The following SZT2 variants were observed in gnomAD, a reference collection of about 807,000 sequenced individuals.
The protein encoded by SZT2 is KICSTOR complex protein SZT2.
A neutral mutation model predicts 404.2 loss-of-function variants in SZT2; 216 were observed. The observed-to-expected ratio is 0.53, with a 90% CI of 0.48 to 0.60. The LOEUF (loss-of-function observed/expected upper bound fraction) is 0.60, where lower values mean the gene tolerates loss of function less well. SZT2 is among the 20% of genes least tolerant of loss of function. SZT2 has a pLI of 0.00. For synonymous variants in SZT2, 1,693 were observed against 1,749.9 expected (o/e 0.97, Z 0.81); for missense variants, 3,857 against 4,459.2 (o/e 0.86, Z 3.85).
Position 43,430,392 on chromosome 1 carries a change from A to G in SZT2, c.4480+3A>G, listed in dbSNP as rs1270130880. On this transcript the variant is annotated splice_donor_region_variant and intron_variant, in intron 31 of 71. Coordinates refer to ENST00000634258, the MANE Select transcript of SZT2 (RefSeq NM_001365999.1). ...GGCTGAGCTTATGGGAGAAGAAGGT[A>G]TGTGGGCAAGTGAGTCAAGGTGGGG... is the stretch of plus-strand genomic sequence containing the variant. 4.4e-6 allele frequency: 7 copies of G among 1,607,984 alleles called. No homozygotes were observed. Among genetic ancestry groups the G allele is most frequent in the Non-Finnish European group, 5.1e-6 (6 of 1,177,170 alleles).
intron 62 of SZT2, among the ~76,000 whole-genome samples, 183 bp downstream of exon 62, chr1:43,443,979 T>G (rs756223168): frequency 6.6e-6 from 1 of 152,236 alleles, no homozygotes; most frequent in Non-Finnish European, 1.5e-5. Context: ...CTCATGCGTG[T>G]CCTGCAGACC....
At chr1:43,434,945 T>G (rs931072595) in intron 41 of SZT2, among the ~76,000 whole-genome samples, 22 of 152,174 alleles carry the variant, frequency 1.4e-4, no homozygotes, top group Non-Finnish European at 7.4e-5. Flanking sequence ...AGGGAAAGCT[T>G]CTTAGAGGAA....
chr1:43,416,217 G>C, intron 6 of SZT2, 116 bp downstream of exon 6: 1 of 1,343,728 alleles, frequency 7.4e-7, no homozygotes, highest in Non-Finnish European at 9.9e-7. Flanking sequence ...AAGAGGATCT[G>C]TTTCCTTGTT....
Position 43,451,321 on chromosome 1 carries a change from G to A in SZT2, c.*841G>A, listed in dbSNP as rs1656377183. ...CCCTCTACTGTGTCTCCTGCAGGGA[G>A]AGGGAGGCCTCGGCACCTCAGCCCA... On this transcript the variant is annotated 3_prime_UTR_variant, in exon 72 of 72. Transcript: ENST00000634258. 1 of 1,613,650 alleles carries A rather than the reference G, an allele frequency of 6.2e-7. No individual in the cohort carries two copies. Among genetic ancestry groups the A allele is most frequent in the South Asian group, 1.1e-5 (1 of 91,086 alleles).
rs1227318981 is a variant in SZT2 at position 43,453,482 on chromosome 1, C to T, written c.*3002C>T. On this transcript the variant is annotated 3_prime_UTR_variant, in exon 72 of 72. Transcript: ENST00000634258. ...GGGGACGGCCCCCAGCCCCATTTCCCCCTTCTCTTGGTCTCCTGCAGAGAG... is the reference window on the plus strand; with the variant it reads ...GGGGACGGCCCCCAGCCCCATTTCCTCCTTCTCTTGGTCTCCTGCAGAGAG... 4 of 1,558,644 alleles carry T rather than the reference C, an allele frequency of 2.6e-6. No individual in the cohort carries two copies. In the African/African-American group the frequency reaches 4.1e-5, roughly 16 times the overall value.
chr1:43,418,176 G>C (rs1335094285), intron 7 of SZT2, among the ~76,000 whole-genome samples: 1 of 152,124 alleles, frequency 6.6e-6, no homozygotes, highest in Non-Finnish European at 1.5e-5. Context: ...AAAGAAATTT[G>C]GCTGTTGAGA....
At position 43,452,337 on chromosome 1, in the gene SZT2, T is replaced by G; in HGVS notation, c.*1857T>G. On this transcript the variant is annotated 3_prime_UTR_variant, in exon 72 of 72. Transcript: ENST00000634258. ...GGTGGATCCTGTGGGGAAGATGGAC[T>G]GGAGGCCTTGCCTCCCTTGGCTCTC... 1 of 1,594,028 alleles carries G rather than the reference T, an allele frequency of 6.3e-7. No individual in the cohort carries two copies.
rs749626170 is a variant in SZT2, at chr1:43,442,421, A to T, written c.7975-21A>T. On this transcript the variant is annotated intron_variant, in intron 57 of 71. Transcript: ENST00000634258. The surrounding 1 kb of genome is among the most constrained non-coding windows in gnomAD (Gnocchi z 4.5). ...GAAGAGGGGTTCCGTGATCTCACTG[A>T]CCCTGACCCCCGACCTCCAGCTACA... 9.9e-6 allele frequency: 16 copies of T among 1,612,178 alleles called. No individual in the cohort carries two copies. In the Admixed American group the frequency reaches 2.7e-4, roughly 27 times the overall value.
Position 43,403,789 on chromosome 1 carries a change from G to GGAGA in SZT2, c.327+16_327+19dup, listed in dbSNP as rs766922099. 1.2e-6 allele frequency: 2 copies of GGAGA among 1,609,834 alleles called. No homozygotes were observed. The highest frequency in any genetic ancestry group is 8.5e-7 in the Non-Finnish European group (1 of 1,176,360). ...CTGGCATTGTGGTAAAGGATTGAAG[G>GGAGA]GAGACTGTGGGAAGAAAGGATGGGG... On this transcript the variant is annotated intron_variant, in intron 3 of 71. Transcript: ENST00000634258.
intron 52 of SZT2, among the ~76,000 whole-genome samples, chr1:43,440,848 C>A (rs1033071822): frequency 2.6e-5 from 4 of 152,214 alleles, no homozygotes; most frequent in African/African-American, 9.6e-5. Flanking sequence ...CCAGCCTGGG[C>A]AACACACAAA....
At chr1:43,430,910 T>C in intron 32 of SZT2, 39 bp from the exon 33 acceptor site, 1 of 1,599,610 alleles carries the variant, frequency 6.3e-7, no homozygotes, top group Non-Finnish European at 8.5e-7. Flanking sequence ...GTGCTTGTCT[T>C]AGAGCCCTCA....
intron 1 of SZT2, among the ~76,000 whole-genome samples, chr1:43,401,244 C>G (rs145082050): frequency 6.6e-6 from 1 of 152,302 alleles, no homozygotes; most frequent in Non-Finnish European, 1.5e-5. Context: ...AACTTTTACT[C>G]TTACCAGGCA....
chr1:43,440,103 A>T, intron 51 of SZT2, 55 bp downstream of exon 51: 1 of 1,604,710 alleles, frequency 6.2e-7, no homozygotes, highest in Non-Finnish European at 8.5e-7. Context: ...TCCAAGCAGG[A>T]CAGTGTGGCA....
At position 43,422,871 on chromosome 1, in the gene SZT2, G is replaced by A. The variant is rs561698107; in HGVS notation, c.2025G>A (p.Pro675=). ...GTTTTCCCATTGGCACACCAGCACC[G>A]GCCCGGCACAAGGTAAGCTGGGCCC... The part of the protein sequence containing the change: ...RLGFPIGTPA[P]ARHKIVSGLR... Residue 675 remains proline, a synonymous_variant, in exon 14 of 72, where the codon CCG becomes CCA. Transcript: ENST00000634258. 4.5e-4 allele frequency: 721 copies of A among 1,585,562 alleles called. No homozygotes were observed. Among genetic ancestry groups the A allele is most frequent in the Non-Finnish European group, 5.5e-4 (651 of 1,173,890 alleles).
At position 43,443,446 on chromosome 1, in the gene SZT2, C is replaced by T. The variant is rs374031590; in HGVS notation, c.8594C>T (p.Pro2865Leu). The T allele has an allele frequency of 1.3e-4, 207 of 1,614,084 alleles. 1 individual carries two copies. The highest frequency in any genetic ancestry group is 1.6e-4 in the Non-Finnish European group (194 of 1,180,036). Reference protein sequence around the residue: ...LFDPAAWLHGPPETSGPPDGQ... With the variant: ...LFDPAAWLHGLPETSGPPDGQ... ...GACCCAGCTGCCTGGCTGCATGGGC[C>T]CCCAGAGACCTCTGGACCCCCTGAC... The change falls in exon 61 of 72, where the codon CCC becomes CTC. Residue 2865 changes from proline (P) to leucine (L), a missense_variant. By Grantham distance (98) the Pro-to-Leu change is moderately conservative. Around this residue, in one of 7 missense-constraint regions of SZT2, gnomAD observed 717 missense variants for 868.2 expected, o/e 0.83. Transcript: ENST00000634258.
chr1:43,415,931 C>T lies in SZT2; in HGVS notation c.631-29C>T, dbSNP rs774336152. The T allele has an allele frequency of 1.9e-6, 3 of 1,585,360 alleles. No homozygotes were observed. The South Asian group carries it at 3.4e-5, about 18-fold the overall frequency. ...GATGGGGCAGCAATGCCATCTGCCC[C>T]ATTCTGTCTTTTCTGTAACTTGGGG... On this transcript the variant is annotated intron_variant, in intron 5 of 71. Coordinates refer to ENST00000634258, the MANE Select transcript of SZT2 (RefSeq NM_001365999.1).
Position 43,427,732 on chromosome 1 carries a change from C to A in SZT2, c.3801C>A (p.Phe1267Leu). The change falls in exon 26 of 72, where the codon TTC becomes TTA. Residue 1267 changes from phenylalanine to leucine, a missense_variant and splice_region_variant. By Grantham distance (22) the Phe-to-Leu change is conservative. This residue lies in a region of SZT2 where 1,725 missense variants were observed against 1,881.0 expected (regional missense o/e 0.92). Coordinates refer to ENST00000634258, the MANE Select transcript of SZT2 (RefSeq NM_001365999.1). Reference protein sequence around the residue: ...QPPQAPRDLIFRTQFLDHPSP... With the variant: ...QPPQAPRDLILRTQFLDHPSP... ...CTCAGGCGCCCCGAGACCTCATCTT[C>A]CGGTGAGTGCCTTCAGTGTTGACCT... The A allele has an allele frequency of 6.2e-7, 1 of 1,612,992 alleles. No homozygotes were observed. The highest frequency in any genetic ancestry group is 8.5e-7 in the Non-Finnish European group (1 of 1,179,860).
At chr1:43,403,997 C>T in intron 3 of SZT2, 1 of 573,068 alleles carries the variant, frequency 1.7e-6, no homozygotes, top group South Asian at 2.4e-5. Context: ...ATTACTCGAG[C>T]TCAGGAGTTC....
At position 43,415,088 on chromosome 1, in the gene SZT2, G is replaced by A. The variant is rs1279553016; in HGVS notation, c.505G>A (p.Val169Ile). 2.8e-5 allele frequency: 45 copies of A among 1,597,786 alleles called. No homozygotes were observed. The highest frequency in any genetic ancestry group is 3.8e-5 in the Non-Finnish European group (45 of 1,179,462). ...TTTCCCATGTGCTTCTTAGGTGCTG[G>A]TACAGGGCTGCCTCTTGGACCCTTC... ...IIGLQSHQVL[V>I]QGCLLDPSQR... Residue 169 changes from valine to isoleucine, a missense_variant, in exon 5 of 72, where the codon GTA becomes ATA. Transcript: ENST00000634258.
Sources: allele counts gnomAD v4.1 joint callset (sites outside exome capture counted in the v4.1 genomes callset), GRCh38; gene constraint gnomAD v4.1.1; regional missense constraint gnomAD v4.1.1; non-coding constraint Gnocchi (gnomAD v3.1); transcripts MANE v1.5; gene names NCBI Gene and HGNC (gene_info 2026-07-23, HGNC 2026-07-21).